The following YKT6 variants were observed in gnomAD, a reference collection of about 807,000 sequenced individuals.
YKT6 encodes the protein YKT6 vesicular SNARE protein.
YKT6 carries 12 observed loss-of-function variants against 29.3 expected under a neutral mutation model. That is an observed-to-expected ratio of 0.41 (90% CI 0.26 to 0.66). The LOEUF (loss-of-function observed/expected upper bound fraction) is 0.66, where lower values mean the gene tolerates loss of function less well. YKT6 is among the 30% of genes least tolerant of loss of function. The probability of loss-of-function intolerance (pLI) is 0.32; values close to 1 mark genes in which losing one functional copy is unlikely to be tolerated. For missense variants in YKT6, 188 were observed against 243.8 expected (o/e 0.77, Z 1.52); for synonymous variants, 86 against 94.3 (o/e 0.91, Z 0.51).
chr7:44,208,053 TG>T (rs1749848938), intron 4 of YKT6, 79 bp from the exon 5 acceptor site: 1 of 1,466,176 alleles, frequency 6.8e-7, no homozygotes, highest in Admixed American at 1.9e-5. Context: ...TGTGAAAGTT[TG>T]TCCAGCTTCC....
In YKT6 at chr7:44,201,016, G is replaced by C. The variant is rs569954309; in HGVS notation, c.-120G>C. 1,795 of 767,158 alleles carry C rather than the reference G, an allele frequency of 2.3e-3. 28 individuals are homozygous for C. In the African/African-American group the frequency reaches 0.031, roughly 13 times the overall value. The allele number at this position is 767,158 out of a possible 1,614,324, so 47.5% of individuals were successfully genotyped here. A position where few individuals can be genotyped will look rare whatever the true frequency, so the allele number is the denominator to read the frequency against. Reference sequence around the variant, plus strand: ...GGAGGAGGAAGCCGGCGGTGGCCCCGTCAGCAGCCGGCTGCTGAGAGGCCG... The same window carrying C: ...GGAGGAGGAAGCCGGCGGTGGCCCCCTCAGCAGCCGGCTGCTGAGAGGCCG... On this transcript the variant is annotated 5_prime_UTR_variant, in exon 1 of 7. Coordinates refer to ENST00000223369, the MANE Select transcript of YKT6 (RefSeq NM_006555.4).
At chr7:44,201,861 CCA>C (rs2096336090) in intron 1 of YKT6, among the ~76,000 whole-genome samples, 1 of 152,188 alleles carries the variant, frequency 6.6e-6, no homozygotes, top group Admixed American at 6.5e-5. Context: ...TATATCACAA[CCA>C]GCTAGAACTG....
intron 5 of YKT6, among the ~76,000 whole-genome samples, chr7:44,210,450 C>A (rs1392408561): frequency 6.6e-6 from 1 of 152,204 alleles, no homozygotes; most frequent in Non-Finnish European, 1.5e-5. Context: ...ACCAGGACAT[C>A]AGTCATGGAA....
chr7:44,201,618 AT>A (rs1171524281), intron 1 of YKT6, among the ~76,000 whole-genome samples: 6 of 152,312 alleles, frequency 3.9e-5, no homozygotes, highest in Admixed American at 2.0e-4. Flanking sequence ...AGTAGTGCAG[AT>A]TTCCAAGCTT....
In YKT6 at chr7:44,212,287, G is replaced by C; in HGVS notation, c.*5G>C. 6.2e-7 allele frequency: 1 copy of C among 1,613,780 alleles called. No individual in the cohort carries two copies. Among genetic ancestry groups the C allele is most frequent in the Middle Eastern group, 1.7e-4 (1 of 6,058 alleles). Reference sequence around the variant, plus strand: ...TCATGCTGTGCCATCATGTGATGCAGCCTGCCAGAGGCCCAATGCTGGAAT... The same window carrying C: ...TCATGCTGTGCCATCATGTGATGCACCCTGCCAGAGGCCCAATGCTGGAAT... On this transcript the variant is annotated 3_prime_UTR_variant, in exon 7 of 7. Coordinates refer to ENST00000223369, the MANE Select transcript of YKT6 (RefSeq NM_006555.4).
chr7:44,202,930 T>C lies in YKT6; in HGVS notation c.105-1638T>C, dbSNP rs543060604. On this transcript the variant is annotated intron_variant, in intron 1 of 6. Transcript: ENST00000223369. ...ACTTGGCTCTGATTCTTTTTCCTTT[T>C]TCCTTCCCATTAGTACTTAAGATTC... 1.8e-4 allele frequency among the ~76,000 whole-genome samples: 27 copies of C among 152,284 alleles called. No individual in the cohort carries two copies. In the South Asian group the frequency reaches 5.6e-3, roughly 32 times the overall value.
intron 5 of YKT6, among the ~76,000 whole-genome samples, chr7:44,209,662 G>A (rs1053313428): frequency 2.0e-5 from 3 of 152,206 alleles, no homozygotes; most frequent in African/African-American, 7.2e-5. Flanking sequence ...AGGGATGAAG[G>A]ACATTCTTGC....
intron 5 of YKT6, chr7:44,210,752 C>G: frequency 1.9e-6 from 1 of 530,128 alleles, no homozygotes; most frequent in Non-Finnish European, 3.6e-6. Context: ...TCCTGGAGTG[C>G]TGGTTATCTA....
In YKT6 at chr7:44,212,251, G is replaced by A. The variant is rs141713796; in HGVS notation, c.566G>A (p.Arg189Gln). The A allele has an allele frequency of 5.6e-6, 9 of 1,613,768 alleles. No individual in the cohort carries two copies. Among genetic ancestry groups the A allele is most frequent in the African/African-American group, 4.0e-5 (3 of 74,884 alleles). ...TQSKAFYKTA[R>Q]KQNSCCAIM ...TCCTCTTTGTTTTTTTCCAAGGCCC[G>A]GAAACAAAACTCATGCTGTGCCATC... is the stretch of plus-strand genomic sequence containing the variant. Residue 189 changes from arginine (R) to glutamine (Q), a missense_variant, in exon 7 of 7, where the codon CGG (arginine) becomes CAG (glutamine). By Grantham distance (43) the Arg-to-Gln change is conservative. Coordinates refer to ENST00000223369, the MANE Select transcript of YKT6 (RefSeq NM_006555.4).
At chr7:44,210,206 A>G (rs2128840462) in intron 5 of YKT6, among the ~76,000 whole-genome samples, 1 of 152,150 alleles carries the variant, frequency 6.6e-6, no homozygotes, top group South Asian at 2.1e-4. Flanking sequence ...GCCATTTCCC[A>G]CCGCCTTTTG....
At chr7:44,203,416 C>T (rs1043704007) in intron 1 of YKT6, among the ~76,000 whole-genome samples, 5 of 152,240 alleles carry the variant, frequency 3.3e-5, no homozygotes, top group Admixed American at 6.5e-5. Flanking sequence ...CTTATAAGAC[C>T]GCTTTACTTA....
chr7:44,207,243 T>G, intron 3 of YKT6, 145 bp from the exon 4 acceptor site: 1 of 563,566 alleles, frequency 1.8e-6, no homozygotes, highest in Non-Finnish European at 3.1e-6. Context: ...TCTGTTGCCA[T>G]TATATGTCCC....
intron 4 of YKT6, among the ~76,000 whole-genome samples, chr7:44,207,795 C>T (rs576835075): frequency 1.3e-4 from 20 of 152,054 alleles, no homozygotes; most frequent in African/African-American, 4.1e-4. Context: ...GGCGCAATCT[C>T]GGCTCACTCA....
At chr7:44,207,728 T>G (rs1303507179) in intron 4 of YKT6, among the ~76,000 whole-genome samples, 1 of 151,970 alleles carries the variant, frequency 6.6e-6, no homozygotes, top group African/African-American at 2.4e-5. Context: ...GGTTTTTTTT[T>G]TTGTTTTTTG....
chr7:44,201,989 G>A (rs1378751151), intron 1 of YKT6, among the ~76,000 whole-genome samples: 1 of 152,134 alleles, frequency 6.6e-6, no homozygotes, highest in Non-Finnish European at 1.5e-5. Context: ...TGTTTCTGGG[G>A]CGCTTTAATT....
intron 4 of YKT6, 121 bp downstream of exon 4, chr7:44,207,613 C>T: frequency 1.3e-6 from 1 of 797,718 alleles, no homozygotes; most frequent in Non-Finnish European, 2.0e-6. Flanking sequence ...TGCTGGTGTC[C>T]TCTCTCAAGC....
intron 5 of YKT6, 189 bp downstream of exon 5, chr7:44,208,387 A>T: frequency 1.7e-6 from 1 of 578,602 alleles, no homozygotes; most frequent in Non-Finnish European, 3.0e-6. Context: ...CTCTTGGTTA[A>T]TGGCACCCAT....
Position 44,213,749 on chromosome 7 carries a change from G to A in YKT6, c.*1467G>A. 1 of 152,450 alleles carries A rather than the reference G, an allele frequency of 6.6e-6. No individual in the cohort carries two copies. Among genetic ancestry groups the A allele is most frequent in the Non-Finnish European group, 1.5e-5 (1 of 68,120 alleles). 9.4% of individuals were successfully genotyped at this position (152,450 alleles called of 1,614,324 possible). On this transcript the variant is annotated 3_prime_UTR_variant, in exon 7 of 7. Transcript: ENST00000223369. ...CTGACCCCCAATGTGGGCAGGGGCTGGGCAGGAGGGTGGGGTCTGCTGTGG... is the reference window on the plus strand; with the variant it reads ...CTGACCCCCAATGTGGGCAGGGGCTAGGCAGGAGGGTGGGGTCTGCTGTGG...
chr7:44,211,941 G>A (rs2096347255), intron 6 of YKT6, among the ~76,000 whole-genome samples: 1 of 152,136 alleles, frequency 6.6e-6, no homozygotes, highest in Non-Finnish European at 1.5e-5. Flanking sequence ...TTGTATTATT[G>A]GTCCTTTGTT....
Sources: gnomAD v4.1 joint callset for allele counts (sites outside exome capture counted in the v4.1 genomes callset) on GRCh38, gnomAD v4.1.1 for gene constraint, MANE v1.5 for transcripts, NCBI Gene and HGNC (gene_info 2026-07-23, HGNC 2026-07-21) for gene names.